Variants in CASK observed in about 807,000 individuals in gnomAD.
CASK encodes the protein peripheral plasma membrane protein CASK.
A neutral mutation model predicts 82.9 loss-of-function variants in CASK; 4 were observed. The observed-to-expected ratio is 0.05, with a 90% CI of 0.02 to 0.11. The LOEUF (loss-of-function observed/expected upper bound fraction) is 0.11. Among genes scored for constraint, CASK ranks in the 10% least tolerant of loss-of-function variants. The pLI is 1.00. For missense variants in CASK, 358 were observed against 720.9 expected (o/e 0.50, Z 5.76); for synonymous variants, 259 against 253.5 (o/e 1.02, Z -0.20).
At chrX:41,594,348 A>C (rs888884563) in intron 12 of CASK, among the ~76,000 whole-genome samples, 10 of 111,729 alleles carry the variant, frequency 9.0e-5, no homozygotes, top group African/African-American at 3.3e-4. Context: ...AGGGGATTGC[A>C]CCCTCCCTCA....
chrX:41,867,184 T>C, intron 1 of CASK, among the ~76,000 whole-genome samples: 1 of 112,166 alleles, frequency 8.9e-6, no homozygotes, highest in Middle Eastern at 4.6e-3. Flanking sequence ...CAGCTCTTAA[T>C]AAAGGACCTA....
chrX:41,560,505 T>C (rs1284697404), intron 17 of CASK, among the ~76,000 whole-genome samples: 4 of 106,410 alleles, frequency 3.8e-5, no homozygotes, highest in African/African-American at 1.0e-4. Context: ...TTCAGGTGAT[T>C]CACCCACCTT....
intron 2 of CASK, among the ~76,000 whole-genome samples, chrX:41,805,519 T>C (rs933858704): frequency 3.6e-5 from 4 of 111,902 alleles, no homozygotes; most frequent in Non-Finnish European, 7.5e-5. Context: ...CTAAGAAAAC[T>C]AGACAAGTAA....
chrX:41,523,849 G>T, intron 26 of CASK, 102 bp downstream of exon 26: 1 of 624,520 alleles, frequency 1.6e-6, no homozygotes, highest in Non-Finnish European at 2.7e-6. Context: ...CATTTCATCA[G>T]AGCAGCCTTG....
intron 9 of CASK, among the ~76,000 whole-genome samples, chrX:41,629,507 C>T (rs990148969): frequency 8.9e-6 from 1 of 111,796 alleles, no homozygotes; most frequent in African/African-American, 3.2e-5. Context: ...AACTTAGAGA[C>T]ATAATGAAGA....
At chrX:41,620,568 T>C (rs1368789125) in intron 11 of CASK, among the ~76,000 whole-genome samples, 1 of 112,346 alleles carries the variant, frequency 8.9e-6, no homozygotes, top group Non-Finnish European at 1.9e-5. Context: ...TAAGGTATAC[T>C]GTTTTAAGTT....
Position 41,516,392 on chromosome X carries a change from G to A in CASK, c.*4028C>T, listed in dbSNP as rs1270107526. ...TATCCAGAGATTCCAAACAGAGAGG[G>A]AAATCTTATTTCTAAAGGAGTTAGA... On this transcript the variant is annotated 3_prime_UTR_variant, in exon 27 of 27. Transcript: ENST00000378163. The A allele has an allele frequency of 8.9e-6, 1 of 112,594 alleles. No homozygotes were observed. The highest frequency in any genetic ancestry group is 3.2e-5 in the African/African-American group (1 of 31,000). 9.3% of individuals were successfully genotyped at this position (112,594 alleles called of 1,213,427 possible).
At chrX:41,917,580 C>T (rs1174019976) in intron 1 of CASK, among the ~76,000 whole-genome samples, 1 of 111,885 alleles carries the variant, frequency 8.9e-6, no homozygotes, top group Non-Finnish European at 1.9e-5. Flanking sequence ...ACACTTGAGA[C>T]GTAGTTCATC....
chrX:41,915,833 CAA>C (rs200108960), intron 1 of CASK, among the ~76,000 whole-genome samples: 9 of 73,542 alleles, frequency 1.2e-4, no homozygotes, highest in Admixed American at 3.1e-4. Flanking sequence ...ACTAGAAATA[CAA>C]AAAAAAAAAA....
intron 2 of CASK, among the ~76,000 whole-genome samples, chrX:41,801,305 C>T (rs370028663): frequency 1.8e-5 from 2 of 111,555 alleles, no homozygotes; most frequent in African/African-American, 6.5e-5. Context: ...ACTCCCAATA[C>T]GCCTTGCCAA....
chrX:41,793,069 T>C (rs1421830947), intron 2 of CASK, among the ~76,000 whole-genome samples: 2 of 112,393 alleles, frequency 1.8e-5, no homozygotes, highest in Non-Finnish European at 3.8e-5. Flanking sequence ...AAGGAAATCC[T>C]ATAGCTTCTT....
intron 10 of CASK, among the ~76,000 whole-genome samples, chrX:41,622,836 G>GAATT (rs2066306841): frequency 9.1e-6 from 1 of 109,434 alleles, no homozygotes; most frequent in Non-Finnish European, 1.9e-5. Flanking sequence ...TTCTGATTCT[G>GAATT]AATTACTTGA....
intron 8 of CASK, among the ~76,000 whole-genome samples, chrX:41,646,180 T>C (rs987867108): frequency 9.0e-6 from 1 of 111,133 alleles, no homozygotes; most frequent in Non-Finnish European, 1.9e-5. Context: ...TTAAAACAAA[T>C]GAAAGGAGGA....
intron 5 of CASK, among the ~76,000 whole-genome samples, chrX:41,681,940 C>T (rs2067362448): frequency 9.5e-6 from 1 of 105,139 alleles, no homozygotes; most frequent in Admixed American, 1.0e-4. Flanking sequence ...GAGCGAGACT[C>T]CATCTTAAAA....
rs770852061 is a variant in CASK at position 41,853,269 on chromosome X, A to C, written c.60-42T>G. 18 of 819,509 alleles carry C rather than the reference A, an allele frequency of 2.2e-5. No individual in the cohort carries two copies. In the East Asian group the frequency reaches 5.7e-4, roughly 26 times the overall value. The allele number at this position is 819,509 out of a possible 1,213,427, so 67.5% of individuals were successfully genotyped here. On this transcript the variant is annotated intron_variant, in intron 1 of 26. Transcript: ENST00000378163. ...CAATTTTAATTCATTGATTCTCTTA[A>C]GTTCCTATTTCCCATTAATGTCTTA...
chrX:41,607,774 G>C (rs1222503210), intron 12 of CASK, among the ~76,000 whole-genome samples: 4 of 111,616 alleles, frequency 3.6e-5, no homozygotes, highest in African/African-American at 1.3e-4. Context: ...TTGCTGGCTA[G>C]GTACAAAGGA....
chrX:41,912,300 GTTTTTTTTTTTT>G (rs774775542), intron 1 of CASK, among the ~76,000 whole-genome samples: 1 of 53,170 alleles, frequency 1.9e-5, no homozygotes, highest in Admixed American at 2.6e-4. Context: ...TTTGTTTTCT[GTTTTTTTTTTTT>G]TTTTTTTTTT....
chrX:41,569,001 A>C (rs1194788354), intron 16 of CASK, among the ~76,000 whole-genome samples: 2 of 110,545 alleles, frequency 1.8e-5, no homozygotes, highest in East Asian at 2.8e-4. Flanking sequence ...CTCAAAAAAA[A>C]CCCCCACATC....
chrX:41,571,428 T>C lies in CASK; in HGVS notation c.1504-1682A>G, dbSNP rs1026483155. 2.7e-5 allele frequency among the ~76,000 whole-genome samples: 3 copies of C among 111,546 alleles called. No individual in the cohort carries two copies. The Admixed American group carries it at 2.9e-4, about 11-fold the overall frequency. On this transcript the variant is annotated intron_variant, in intron 15 of 26. Coordinates refer to ENST00000378163, the MANE Select transcript of CASK (RefSeq NM_001367721.1). ...AGGGAATTTTTCCATTTTATCTAAG[T>C]TGTTGAATTTATTGGCATAAATCTG...
Sources: allele counts gnomAD v4.1 joint callset (sites outside exome capture counted in the v4.1 genomes callset), GRCh38; gene constraint gnomAD v4.1.1; transcripts MANE v1.5; gene names NCBI Gene and HGNC (gene_info 2026-07-23, HGNC 2026-07-21).